Variants in EYS observed in about 807,000 individuals in gnomAD.
EYS encodes protein eyes shut homolog.
A neutral mutation model predicts 282.1 loss-of-function variants in EYS; 250 were observed. The observed-to-expected ratio is 0.89, with a 90% confidence interval of 0.80 to 0.98. The LOEUF (loss-of-function observed/expected upper bound fraction) is 0.98. Ranked by LOEUF, EYS falls within the 50% of genes least tolerant of loss-of-function variation. The pLI is 0.00. For missense variants in EYS, 4,016 were observed against 3,709.0 expected, an observed-to-expected ratio of 1.08 and a Z score of -2.15; for synonymous variants, 1,355 against 1,282.9, an observed-to-expected ratio of 1.06 and a Z score of -1.20.
chr6:64,576,408 T>A (rs201914925), intron 26 of EYS, among the ~76,000 whole-genome samples: 1 of 152,094 alleles, frequency 6.6e-6, no homozygotes, highest in Non-Finnish European at 1.5e-5. Flanking sequence ...TCCTAAGTAT[T>A]CTTCAGATGA....
intron 2 of EYS, among the ~76,000 whole-genome samples, chr6:65,585,237 G>A (rs1765004676): frequency 6.6e-6 from 1 of 151,850 alleles, no homozygotes; most frequent in South Asian, 2.1e-4. Context: ...ACCATTTCAT[G>A]TCATCATTTT....
At chr6:65,701,350 A>G (rs1434287308) in intron 1 of EYS, among the ~76,000 whole-genome samples, 1 of 152,216 alleles carries the variant, frequency 6.6e-6, no homozygotes, top group Non-Finnish European at 1.5e-5. Context: ...ATGAAGTCAT[A>G]TTAATACTGG....
chr6:65,224,056 T>C (rs1766549745), intron 12 of EYS, among the ~76,000 whole-genome samples: 2 of 152,140 alleles, frequency 1.3e-5, no homozygotes, highest in South Asian at 4.1e-4. Context: ...TGAGTAACAC[T>C]ACAAACCAGA....
At chr6:64,567,703 G>A (rs1426687757) in intron 26 of EYS, among the ~76,000 whole-genome samples, 6 of 152,050 alleles carry the variant, frequency 3.9e-5, no homozygotes, top group Non-Finnish European at 4.4e-5. Flanking sequence ...ATTTAGTTAA[G>A]AATTATAAAG....
At chr6:63,856,602 G>A (rs147402066) in intron 36 of EYS, among the ~76,000 whole-genome samples, 1 of 152,024 alleles carries the variant, frequency 6.6e-6, no homozygotes, top group Non-Finnish European at 1.5e-5. Flanking sequence ...AAACTAATTT[G>A]GTTTCCATTT....
chr6:64,144,620 G>A (rs1774449528), intron 31 of EYS, among the ~76,000 whole-genome samples: 1 of 152,124 alleles, frequency 6.6e-6, no homozygotes, highest in Non-Finnish European at 1.5e-5. Context: ...CGTCAGCTCT[G>A]AAGCATGAAA....
At chr6:64,707,416 TC>T (rs1771061385) in intron 22 of EYS, among the ~76,000 whole-genome samples, 2 of 152,132 alleles carry the variant, frequency 1.3e-5, no homozygotes, top group South Asian at 4.1e-4. Flanking sequence ...ACGCCTGTAA[TC>T]CCAGCACTTT....
chr6:65,639,587 A>G (rs1214238006), intron 2 of EYS, among the ~76,000 whole-genome samples, 191 bp downstream of exon 2: 1 of 152,188 alleles, frequency 6.6e-6, no homozygotes, highest in Non-Finnish European at 1.5e-5. Flanking sequence ...TAGCGGATCT[A>G]AAGTGAATTT....
chr6:64,718,530 G>A (rs553798542), intron 22 of EYS, among the ~76,000 whole-genome samples: 40 of 151,922 alleles, frequency 2.6e-4, no homozygotes, highest in Admixed American at 5.2e-4. Flanking sequence ...TTTTTCAAAT[G>A]TGTCCCTTAT....
At chr6:65,459,130 T>A (rs1004285243) in intron 5 of EYS, among the ~76,000 whole-genome samples, 6 of 152,118 alleles carry the variant, frequency 3.9e-5, no homozygotes, top group Admixed American at 3.9e-4. Context: ...TAAAATCTGA[T>A]AAGATGGCTC....
intron 31 of EYS, among the ~76,000 whole-genome samples, chr6:64,198,285 G>A (rs1765358616): frequency 1.3e-5 from 2 of 152,008 alleles, no homozygotes; most frequent in Admixed American, 1.3e-4. Context: ...GGGGTTACAG[G>A]TGTGAGCCAC....
chr6:64,505,590 G>A (rs952308604), intron 26 of EYS, among the ~76,000 whole-genome samples: 1 of 152,074 alleles, frequency 6.6e-6, no homozygotes, highest in Non-Finnish European at 1.5e-5. Context: ...CATTCTCCTT[G>A]TTATGTCCAC....
At chr6:64,357,338 C>T (rs1371096444) in intron 29 of EYS, among the ~76,000 whole-genome samples, 3 of 144,516 alleles carry the variant, frequency 2.1e-5, no homozygotes, top group African/African-American at 7.7e-5. Context: ...CTTATTTCCA[C>T]TTTAAGAAAC....
At chr6:64,686,484 G>C (rs1210687389) in intron 22 of EYS, among the ~76,000 whole-genome samples, 2 of 151,554 alleles carry the variant, frequency 1.3e-5, no homozygotes, top group East Asian at 3.9e-4. Context: ...GCTCACGCGT[G>C]TTATCCCAGC....
At chr6:65,287,086 G>A (rs913485041) in intron 12 of EYS, among the ~76,000 whole-genome samples, 2 of 151,242 alleles carry the variant, frequency 1.3e-5, no homozygotes, top group Non-Finnish European at 3.0e-5. Context: ...GTAAAGTAGG[G>A]CAGGTATACA....
At chr6:64,664,775 T>C (rs542804604) in intron 22 of EYS, among the ~76,000 whole-genome samples, 2 of 152,236 alleles carry the variant, frequency 1.3e-5, no homozygotes, top group South Asian at 4.1e-4. Context: ...AACTAGAAAA[T>C]GGGTCCCCAC....
intron 8 of EYS, among the ~76,000 whole-genome samples, chr6:65,371,100 T>C (rs987327646): frequency 2.6e-5 from 4 of 151,788 alleles, no homozygotes; most frequent in African/African-American, 9.7e-5. Flanking sequence ...ATCCATGGAT[T>C]CAACCAACTG....
At chr6:65,643,283 A>T (rs1185511745) in intron 1 of EYS, among the ~76,000 whole-genome samples, 1 of 152,066 alleles carries the variant, frequency 6.6e-6, no homozygotes, top group Non-Finnish European at 1.5e-5. Context: ...TTCTTTGGTG[A>T]CCTGTACGAC....
rs1255949431 is a variant in EYS at position 64,675,426 on chromosome 6, T to TC, written c.3444-49182_3444-49181insG. ...TCGTTTTTCCTGTTTCTCTTTTTTT[T>TC]TCTTTTTTTTTTTTTTTTTGAGATG... On this transcript the variant is annotated intron_variant, in intron 22 of 42. Coordinates refer to ENST00000503581, the MANE Select transcript of EYS (RefSeq NM_001142800.2). Among the ~76,000 whole-genome samples, 5 of 86,812 alleles carry TC rather than the reference T, an allele frequency of 5.8e-5. No individual in the cohort carries two copies. In the East Asian group the frequency reaches 1.1e-3, roughly 19 times the overall value. The allele number at this position is 86,812 out of a possible 152,430, so 57.0% of individuals were successfully genotyped here.
Sources: allele counts gnomAD v4.1 joint callset (sites outside exome capture counted in the v4.1 genomes callset), GRCh38; gene constraint gnomAD v4.1.1; transcripts MANE v1.5; gene names NCBI Gene and HGNC (gene_info 2026-07-23, HGNC 2026-07-21).